The following BIN1 variants were observed in gnomAD, a reference collection of about 807,000 sequenced individuals.
The protein encoded by BIN1 is bridging integrator 1, also known as myc box-dependent-interacting protein 1.
BIN1 carries 53 observed loss-of-function variants against 82.0 expected under a neutral mutation model. The ratio of observed to expected loss-of-function variants is 0.65; its 90% CI spans 0.52 to 0.81. The LOEUF (loss-of-function observed/expected upper bound fraction) is 0.81. BIN1 is among the 40% of genes least tolerant of loss of function. The probability of loss-of-function intolerance (pLI) is 0.00; values close to 1 mark genes in which losing one functional copy is unlikely to be tolerated. For synonymous variants in BIN1, 302 were observed against 328.0 expected (o/e 0.92, Z 0.86); for missense variants, 642 against 784.4 (o/e 0.82, Z 2.17).
At position 127,057,854 on chromosome 2, in the gene BIN1, G is replaced by C. The variant is rs1167208671; in HGVS notation, c.1003-253C>G. On this transcript the variant is annotated intron_variant, in intron 11 of 18. Transcript: ENST00000316724. This position sits in a 1 kb window ranked among gnomAD's most constrained non-coding sequence, Gnocchi z 5.0. ...AGAAACGCTGTGTGGAGAGAGAAGA[G>C]ATAGAGAAGTGAGGGGAGAGGAGGA... 6.7e-6 allele frequency among the ~76,000 whole-genome samples: 1 copy of C among 150,202 alleles called. No individual in the cohort carries two copies. The highest frequency in any genetic ancestry group is 1.5e-5 in the Non-Finnish European group (1 of 67,820).
At chr2:127,071,631 G>A (rs560638274) in intron 2 of BIN1, among the ~76,000 whole-genome samples, 2 of 152,310 alleles carry the variant, frequency 1.3e-5, no homozygotes, top group African/African-American at 4.8e-5. Context: ...GGTTCCAGGA[G>A]GGGTGAACAA....
chr2:127,085,214 A>C lies in BIN1; in HGVS notation c.85-8508T>G, dbSNP rs116457083. 6.9e-3 allele frequency among the ~76,000 whole-genome samples: 1,044 copies of C among 152,314 alleles called. 9 individuals carry two copies. Among genetic ancestry groups the C allele is most frequent in the African/African-American group, 0.022 (900 of 41,560 alleles). On this transcript the variant is annotated intron_variant, in intron 1 of 18. Transcript: ENST00000316724. Reference sequence around the variant, plus strand: ...TGGCTGCAAAGGGGAGAAGTGGCCCAGGTTCCTGCTGGAGAGCAGAGCCCA... The same window carrying C: ...TGGCTGCAAAGGGGAGAAGTGGCCCCGGTTCCTGCTGGAGAGCAGAGCCCA...
Position 127,062,172 on chromosome 2 carries a change from A to G in BIN1, c.800T>C (p.Leu267Pro), listed in dbSNP as rs2104988307. The change falls in exon 10 of 19, where the codon CTG becomes CCG. Residue 267 changes from leucine to proline, a missense_variant. By Grantham distance (98) the Leu-to-Pro change is moderately conservative. Transcript: ENST00000316724. ...CCCGTGTTGCTTCTCCAGGCCGACCAGCACATCATTGAGGTTCTGGTTGAG... is the reference window on the plus strand; with the variant it reads ...CCCGTGTTGCTTCTCCAGGCCGACCGGCACATCATTGAGGTTCTGGTTGAG... ...SKLNQNLNDV[L>P]VGLEKQHGSN... The G allele has an allele frequency of 6.2e-7, 1 of 1,610,718 alleles. No individual in the cohort carries two copies. Among genetic ancestry groups the G allele is most frequent in the Non-Finnish European group, 8.5e-7 (1 of 1,178,660 alleles).
At chr2:127,097,775 A>G (rs1679787943) in intron 1 of BIN1, among the ~76,000 whole-genome samples, 1 of 152,110 alleles carries the variant, frequency 6.6e-6, no homozygotes, top group Non-Finnish European at 1.5e-5. Flanking sequence ...AGCCCAGGGC[A>G]GGGCCCGCCT....
Position 127,057,165 on chromosome 2 carries a change from C to T in BIN1, c.1131+308G>A, listed in dbSNP as rs1281194203. On this transcript the variant is annotated intron_variant, in intron 12 of 18. Coordinates refer to ENST00000316724, the MANE Select transcript of BIN1 (RefSeq NM_139343.3). The surrounding 1 kb of genome is among the most constrained non-coding windows in gnomAD (Gnocchi z 5.0). ...TTCCCTGACAGCCACACGTCCTCCACACTCCCCGATCCCCTCTGCCATAGC... is the reference window on the plus strand; with the variant it reads ...TTCCCTGACAGCCACACGTCCTCCATACTCCCCGATCCCCTCTGCCATAGC... 6.6e-6 allele frequency among the ~76,000 whole-genome samples: 1 copy of T among 152,240 alleles called. No individual in the cohort carries two copies. Among genetic ancestry groups the T allele is most frequent in the African/African-American group, 2.4e-5 (1 of 41,456 alleles).
At position 127,086,757 on chromosome 2, in the gene BIN1, C is replaced by A. The variant is rs143681753; in HGVS notation, c.85-10051G>T. On this transcript the variant is annotated intron_variant, in intron 1 of 18. Transcript: ENST00000316724. ...CCCTGACCTCGTGATCCACCCGCCT[C>A]GACCTCCCAAAGTGCTAGGATTATA... 3.8e-3 allele frequency among the ~76,000 whole-genome samples: 571 copies of A among 152,192 alleles called. 19 individuals carry two copies. In the East Asian group the frequency reaches 0.06, roughly 16 times the overall value.
chr2:127,068,412 G>C lies in BIN1; in HGVS notation c.520-157C>G, dbSNP rs1018278019. On this transcript the variant is annotated intron_variant, in intron 6 of 18. Coordinates refer to ENST00000316724, the MANE Select transcript of BIN1 (RefSeq NM_139343.3). This position sits in a 1 kb window ranked among gnomAD's most constrained non-coding sequence, Gnocchi z 4.9. ...CTTGAGGCCGAGAGAATTAGGGGGA[G>C]CCCGGGGGGTAAGGAAAGGGGGTGA... Among the ~76,000 whole-genome samples the C allele has an allele frequency of 6.6e-6, 1 of 151,824 alleles. No homozygotes were observed. The highest frequency in any genetic ancestry group is 2.4e-5 in the African/African-American group (1 of 41,336).
intron 11 of BIN1, among the ~76,000 whole-genome samples, chr2:127,058,703 TA>T (rs1460747903): frequency 2.0e-5 from 3 of 151,006 alleles, no homozygotes; most frequent in Non-Finnish European, 4.4e-5. Flanking sequence ...GAGCCTCTGC[TA>T]GGGAGGAAAA....
chr2:127,099,410 C>G lies in BIN1; in HGVS notation c.84+7450G>C, dbSNP rs199983293. ...GTGTCGGCAGCATGGTTCTTTCCCC[C>G]CCAGGAACATTAAAAAACAACTAGT... On this transcript the variant is annotated intron_variant, in intron 1 of 18. Transcript: ENST00000316724. Among the ~76,000 whole-genome samples the G allele has an allele frequency of 8.4e-4, 128 of 152,144 alleles. 1 individual carries two copies. The highest frequency in any genetic ancestry group is 2.3e-3 in the Admixed American group (35 of 15,268).
chr2:127,097,228 T>A (rs554280646), intron 1 of BIN1, among the ~76,000 whole-genome samples: 1 of 152,144 alleles, frequency 6.6e-6, no homozygotes, highest in South Asian at 2.1e-4. Context: ...AGGGGCGCCC[T>A]AAAAAGGGTG....
At chr2:127,073,598 G>A (rs1355382511) in intron 2 of BIN1, among the ~76,000 whole-genome samples, 3 of 152,156 alleles carry the variant, frequency 2.0e-5, no homozygotes, top group East Asian at 3.8e-4. Flanking sequence ...GGTCTAGGGG[G>A]CAGGGACGGC....
intron 1 of BIN1, among the ~76,000 whole-genome samples, chr2:127,080,638 C>T (rs1687167432): frequency 6.6e-6 from 1 of 152,174 alleles, no homozygotes; most frequent in South Asian, 2.1e-4. Context: ...ACAGAGCCAA[C>T]AGTCCCAGGA....
intron 12 of BIN1, chr2:127,054,995 G>T (rs1683455607): frequency 6.6e-6 from 1 of 152,314 alleles, no homozygotes; most frequent in South Asian, 2.1e-4. Flanking sequence ...TCTTGTACCT[G>T]GGGCTTCCCT....
chr2:127,051,154 G>A lies in BIN1; in HGVS notation c.1461C>T (p.Ser487=), dbSNP rs34647988. Residue 487 remains serine (S), a splice_region_variant and synonymous_variant, in exon 16 of 19, where the codon TCC becomes TCT. Transcript: ENST00000316724. ...PGETAASEAA[S]SSLPAVVVET... is the part of the protein sequence containing the mutation. ...CAGGGCTTTGTCCCTGCTGTCTTAC[G>A]GAGGCTGCTTCACTTGCCGCCGTCT... 3.1e-5 allele frequency: 50 copies of A among 1,613,480 alleles called. No homozygotes were observed. In the East Asian group the frequency reaches 5.1e-4, roughly 17 times the overall value.
intron 2 of BIN1, among the ~76,000 whole-genome samples, chr2:127,074,218 A>G (rs1686306174): frequency 6.6e-6 from 1 of 151,884 alleles, no homozygotes; most frequent in Non-Finnish European, 1.5e-5. Context: ...CCCCAAGCCC[A>G]CTGCAGCCTC....
At chr2:127,105,391 C>CAA in intron 1 of BIN1, among the ~76,000 whole-genome samples, 1 of 151,664 alleles carries the variant, frequency 6.6e-6, no homozygotes, top group South Asian at 2.1e-4. Context: ...GGGGTGGCTG[C>CAA]ATCTGTGCTG....
At chr2:127,069,948 G>T in intron 5 of BIN1, 47 bp downstream of exon 5, 1 of 1,587,490 alleles carries the variant, frequency 6.3e-7, no homozygotes. Context: ...CCTCTCTCCA[G>T]TTCCCTCCAG....
chr2:127,081,867 G>A (rs910058580), intron 1 of BIN1: 70 of 1,287,048 alleles, frequency 5.4e-5, no homozygotes, highest in Admixed American at 2.3e-4. Context: ...GCCTGCACAG[G>A]AAGGGCGGGC....
rs753264862 is a variant in BIN1, at chr2:127,059,175, AG to A, written c.858-21del. ...TTGTCACTGTGGGGGAGGACAAGAA[AG>A]GGAGCCCAGTGTTGGGGGGCCAAGG... is the stretch of plus-strand genomic sequence containing the variant. On this transcript the variant is annotated intron_variant, in intron 10 of 18. Transcript: ENST00000316724. The surrounding 1 kb of genome is among the most constrained non-coding windows in gnomAD (Gnocchi z 6.7). 1 of 1,561,526 alleles carries A rather than the reference AG, an allele frequency of 6.4e-7. No homozygotes were observed. The highest frequency in any genetic ancestry group is 1.9e-5 in the Admixed American group (1 of 52,292).
Sources: allele counts gnomAD v4.1 joint callset (sites outside exome capture counted in the v4.1 genomes callset), GRCh38; gene constraint gnomAD v4.1.1; non-coding constraint Gnocchi (gnomAD v3.1); transcripts MANE v1.5; gene names NCBI Gene and HGNC (gene_info 2026-07-23, HGNC 2026-07-21).